Variants in TEAD4 observed in about 807,000 individuals in gnomAD.
TEAD4 encodes TEA domain transcription factor 4.
A neutral mutation model predicts 52.4 loss-of-function variants in TEAD4; 36 were observed. The ratio of observed to expected loss-of-function variants is 0.69; its 90% CI spans 0.53 to 0.91. The LOEUF is 0.91. TEAD4 is among the 40% of genes least tolerant of loss of function. TEAD4 has a pLI of 0.00. For synonymous variants in TEAD4, 220 were observed against 231.0 expected (o/e 0.95, Z 0.43); for missense variants, 508 against 583.9 (o/e 0.87, Z 1.34).
At chr12:3,008,989 A>C (rs1333532852) in intron 3 of TEAD4, among the ~76,000 whole-genome samples, 1 of 152,110 alleles carries the variant, frequency 6.6e-6, no homozygotes, top group Non-Finnish European at 1.5e-5. Context: ...TGGGTTACTT[A>C]CTTGGGCCTA....
chr12:2,968,081 G>C (rs925559936), intron 2 of TEAD4, among the ~76,000 whole-genome samples: 1 of 85,800 alleles, frequency 1.2e-5, no homozygotes, highest in Admixed American at 1.2e-4. Flanking sequence ...AAACATGTGG[G>C]TCTTTTTTTT....
At chr12:2,993,935 G>A (rs1269424905) in intron 2 of TEAD4, among the ~76,000 whole-genome samples, 1 of 152,210 alleles carries the variant, frequency 6.6e-6, no homozygotes, top group Admixed American at 6.5e-5. Flanking sequence ...TTCGCTGTAG[G>A]TATACACCAC....
chr12:2,970,047 G>A (rs1049320375), intron 2 of TEAD4, among the ~76,000 whole-genome samples: 6 of 152,116 alleles, frequency 3.9e-5, no homozygotes, highest in African/African-American at 1.4e-4. Context: ...GCAACATAGC[G>A]AGAACCCTGC....
chr12:2,967,603 C>G (rs2098221485), intron 2 of TEAD4, among the ~76,000 whole-genome samples: 1 of 152,160 alleles, frequency 6.6e-6, no homozygotes. Context: ...GTGGGACTTA[C>G]TCTTCATTCA....
intron 11 of TEAD4, 31 bp downstream of exon 11, chr12:3,038,139 G>A: frequency 8.1e-6 from 13 of 1,600,650 alleles, no homozygotes; most frequent in Non-Finnish European, 1.1e-5. Flanking sequence ...GTGAGGGCCG[G>A]TGGCAGTGGT....
chr12:3,017,858 C>A (rs1260783755), intron 6 of TEAD4, among the ~76,000 whole-genome samples: 1 of 152,184 alleles, frequency 6.6e-6, no homozygotes, highest in African/African-American at 2.4e-5. Context: ...TGAGCGGAAG[C>A]CTGAGACCAG....
intron 3 of TEAD4, among the ~76,000 whole-genome samples, chr12:3,000,360 A>C (rs2098250673): frequency 6.6e-6 from 1 of 152,132 alleles, no homozygotes; most frequent in Non-Finnish European, 1.5e-5. Context: ...TCCAAGGTTG[A>C]GGGGCTGCAT....
At chr12:2,975,410 T>C (rs7136708) in intron 2 of TEAD4, among the ~76,000 whole-genome samples, 141,366 of 151,218 alleles carry the variant, frequency 0.93, 66,380 homozygotes, top group Middle Eastern at 0.99. Flanking sequence ...TTACTAGAGA[T>C]GGAGTCTTGC....
At chr12:3,008,807 T>G (rs891305699) in intron 3 of TEAD4, among the ~76,000 whole-genome samples, 2 of 152,152 alleles carry the variant, frequency 1.3e-5, no homozygotes, top group Non-Finnish European at 2.9e-5. Context: ...GGATAACTGA[T>G]GAGCACACGA....
intron 12 of TEAD4, 41 bp from the exon 13 acceptor site, chr12:3,040,324 T>C: frequency 6.2e-7 from 1 of 1,613,764 alleles, no homozygotes; most frequent in Non-Finnish European, 8.5e-7. Flanking sequence ...GGCATGCCCC[T>C]TCTGGGGCCT....
In TEAD4 at chr12:3,040,266, G is replaced by A. The variant is rs569607958; in HGVS notation, c.1191+7G>A. On this transcript the variant is annotated splice_region_variant and intron_variant, in intron 12 of 12. Coordinates refer to ENST00000359864, the MANE Select transcript of TEAD4 (RefSeq NM_003213.4). ...GAACTTCACCATCCTGCAGGTGTGCGGCGGGTGCTGCGGGTGTGGCTGGAG... is the reference window on the plus strand; with the variant it reads ...GAACTTCACCATCCTGCAGGTGTGCAGCGGGTGCTGCGGGTGTGGCTGGAG... 2.2e-5 allele frequency: 35 copies of A among 1,614,170 alleles called. No individual in the cohort carries two copies. Among genetic ancestry groups the A allele is most frequent in the African/African-American group, 1.2e-4 (9 of 75,042 alleles).
In TEAD4 at chr12:3,016,581, G is replaced by A. The variant is rs12228604; in HGVS notation, c.355-817G>A. ...GATTGTGCAGTACTCTAGCCTGTGC[G>A]ACAGAGTGAGACCCTGTCTCTGGAA... On this transcript the variant is annotated intron_variant, in intron 5 of 12. Coordinates refer to ENST00000359864, the MANE Select transcript of TEAD4 (RefSeq NM_003213.4). Among the ~76,000 whole-genome samples, 7 of 149,816 alleles carry A rather than the reference G, an allele frequency of 4.7e-5. No individual in the cohort carries two copies. The East Asian group carries it at 7.8e-4, about 17-fold the overall frequency.
intron 2 of TEAD4, among the ~76,000 whole-genome samples, chr12:2,989,323 T>C (rs2098241229): frequency 6.6e-6 from 1 of 152,206 alleles, no homozygotes; most frequent in Non-Finnish European, 1.5e-5. Context: ...TCTTCACTCT[T>C]GAATGATTTT....
chr12:2,992,908 G>A (rs981791803), intron 2 of TEAD4, among the ~76,000 whole-genome samples: 3 of 152,152 alleles, frequency 2.0e-5, no homozygotes, highest in African/African-American at 7.2e-5. Flanking sequence ...GAGCCAAGAG[G>A]TCACTGGATT....
At chr12:2,964,624 ATTTTTTTTT>A (rs71057872) in intron 2 of TEAD4, among the ~76,000 whole-genome samples, 1 of 125,430 alleles carries the variant, frequency 8.0e-6, no homozygotes, top group African/African-American at 3.0e-5. Context: ...CACCTGGCTA[ATTTTTTTTT>A]TTTTTTTTTT....
chr12:2,962,124 T>C (rs2098215863), intron 2 of TEAD4, among the ~76,000 whole-genome samples: 1 of 150,582 alleles, frequency 6.6e-6, no homozygotes, highest in Non-Finnish European at 1.5e-5. Flanking sequence ...TTTTATTTTA[T>C]TTTATTTTAT....
Position 2,968,382 on chromosome 12 carries a change from G to A in TEAD4, c.-30+8342G>A, listed in dbSNP as rs1458694884. On this transcript the variant is annotated intron_variant, in intron 2 of 12. Coordinates refer to ENST00000359864, the MANE Select transcript of TEAD4 (RefSeq NM_003213.4). ...ATTACAGGTGTGAGCCACCGCGCCC[G>A]GCCTTTTTTTTTTTTTTTTTTTTTT... Among the ~76,000 whole-genome samples, 6 of 120,796 alleles carry A rather than the reference G, an allele frequency of 5.0e-5. 1 individual carries two copies. Among genetic ancestry groups the A allele is most frequent in the Non-Finnish European group, 8.0e-5 (5 of 62,444 alleles). The allele number at this position is 120,796 out of a possible 152,430, so 79.2% of individuals were successfully genotyped here.
chr12:3,001,764 G>A (rs1591577462), intron 3 of TEAD4, among the ~76,000 whole-genome samples: 2 of 149,002 alleles, frequency 1.3e-5, no homozygotes, highest in East Asian at 3.9e-4. Flanking sequence ...GCAACAAAGC[G>A]AGACTCTGTC....
At chr12:2,966,521 A>G (rs552686951) in intron 2 of TEAD4, among the ~76,000 whole-genome samples, 1 of 132,300 alleles carries the variant, frequency 7.6e-6, no homozygotes, top group Admixed American at 7.7e-5. Context: ...AGCAATTCTC[A>G]TGCCTCAGCC....
Sources: allele counts gnomAD v4.1 joint callset (sites outside exome capture counted in the v4.1 genomes callset), GRCh38; gene constraint gnomAD v4.1.1; transcripts MANE v1.5; gene names NCBI Gene and HGNC (gene_info 2026-07-23, HGNC 2026-07-21).